ARHGEF26: variants seen among roughly 807,000 people sequenced by gnomAD.
ARHGEF26 encodes the protein Rho guanine nucleotide exchange factor (GEF) 26.
In ARHGEF26, 59 loss-of-function variants were observed where a neutral mutation model predicts 89.4. The ratio of observed to expected loss-of-function variants is 0.66; its 90% CI spans 0.54 to 0.82. ARHGEF26 has a LOEUF of 0.82. Among genes scored for constraint, ARHGEF26 ranks in the 40% least tolerant of loss-of-function variants. The pLI is 0.00. For synonymous variants in ARHGEF26, 500 were observed against 428.4 expected (o/e 1.17, Z -2.06); for missense variants, 1,234 against 1,085.6 (o/e 1.14, Z -1.92).
chr3:154,143,406 C>T (rs1276684152), intron 4 of ARHGEF26, among the ~76,000 whole-genome samples: 2 of 151,798 alleles, frequency 1.3e-5, no homozygotes, highest in Non-Finnish European at 2.9e-5. Context: ...TTATGAATGA[C>T]CTTCTATGTC....
At chr3:154,254,008 T>C (rs553642086) in intron 13 of ARHGEF26, among the ~76,000 whole-genome samples, 19 of 152,326 alleles carry the variant, frequency 1.2e-4, no homozygotes, top group Non-Finnish European at 1.8e-4. Context: ...CTCCGTCTCC[T>C]GGGTTCATAC....
intron 6 of ARHGEF26, among the ~76,000 whole-genome samples, chr3:154,184,299 T>C (rs918371070): frequency 6.6e-6 from 1 of 152,248 alleles, no homozygotes; most frequent in African/African-American, 2.4e-5. Flanking sequence ...CAATTTTCTT[T>C]ACATTTGCAT....
chr3:154,229,252 G>C (rs1164793466), intron 11 of ARHGEF26, among the ~76,000 whole-genome samples: 2 of 152,056 alleles, frequency 1.3e-5, no homozygotes, highest in Non-Finnish European at 2.9e-5. Flanking sequence ...CCAGGCTGCA[G>C]TTCAGTGGCT....
chr3:154,190,368 G>A (rs1385333639), intron 7 of ARHGEF26, among the ~76,000 whole-genome samples: 1 of 152,170 alleles, frequency 6.6e-6, no homozygotes, highest in Non-Finnish European at 1.5e-5. Context: ...AATTAGCTGG[G>A]CGTCATGGCA....
Position 154,122,959 on chromosome 3 carries a change from A to G in ARHGEF26, c.967A>G (p.Ser323Gly), listed in dbSNP as rs1420881955. 1 of 1,613,784 alleles carries G rather than the reference A, an allele frequency of 6.2e-7. No homozygotes were observed. The highest frequency in any genetic ancestry group is 2.2e-5 in the East Asian group (1 of 44,872). ...RSTSYRRAVV[S>G]GFDFDSPTSS... The stretch of plus-strand genomic sequence containing the variant: ...CACGTCTTATCGCAGGGCAGTGGTC[A>G]GTGGCTTTGATTTTGACAGTCCTAC... Residue 323 changes from serine to glycine, a missense_variant, in exon 2 of 15, where the codon AGT (serine) becomes GGT (glycine). By Grantham distance (56) the Ser-to-Gly change is moderately conservative. Transcript: ENST00000465093.
intron 6 of ARHGEF26, among the ~76,000 whole-genome samples, chr3:154,186,106 A>G (rs1403142174): frequency 1.3e-5 from 2 of 149,050 alleles, no homozygotes; most frequent in African/African-American, 5.0e-5. Context: ...TGGTTCAAGT[A>G]TTATGCTACC....
intron 4 of ARHGEF26, among the ~76,000 whole-genome samples, chr3:154,148,472 C>T (rs1719821253): frequency 6.6e-6 from 1 of 152,206 alleles, no homozygotes; most frequent in South Asian, 2.1e-4. Flanking sequence ...TTTGCCCTCT[C>T]TTTTGATAGG....
intron 6 of ARHGEF26, among the ~76,000 whole-genome samples, chr3:154,180,686 C>T (rs1381210178): frequency 2.0e-4 from 2 of 9,846 alleles, no homozygotes; most frequent in Non-Finnish European, 3.3e-4. Context: ...CTTTTTTCCC[C>T]TCACATCCCA....
chr3:154,212,975 A>G (rs940130895), intron 9 of ARHGEF26, among the ~76,000 whole-genome samples: 3 of 152,088 alleles, frequency 2.0e-5, no homozygotes. Flanking sequence ...CTAAAGATAA[A>G]TTTTCAGAAG....
At chr3:154,176,902 C>G (rs1712855351) in intron 6 of ARHGEF26, among the ~76,000 whole-genome samples, 1 of 152,162 alleles carries the variant, frequency 6.6e-6, no homozygotes, top group Non-Finnish European at 1.5e-5. Context: ...CCTCAGTCTC[C>G]TGAATAGCTA....
At chr3:154,180,935 T>C (rs1281826544) in intron 6 of ARHGEF26, among the ~76,000 whole-genome samples, 2 of 152,154 alleles carry the variant, frequency 1.3e-5, no homozygotes, top group Non-Finnish European at 1.5e-5. Context: ...ATCGATGAGC[T>C]TCATCTTCCT....
chr3:154,157,227 C>T (rs1273602704), intron 6 of ARHGEF26, among the ~76,000 whole-genome samples: 1 of 152,224 alleles, frequency 6.6e-6, no homozygotes, highest in East Asian at 1.9e-4. Flanking sequence ...CTCCTAAGTT[C>T]CAAAGCATTT....
intron 3 of ARHGEF26, among the ~76,000 whole-genome samples, chr3:154,126,699 C>T (rs1368733157): frequency 1.3e-5 from 2 of 152,168 alleles, no homozygotes; most frequent in Non-Finnish European, 2.9e-5. Context: ...CTGTCTGGCT[C>T]ATGTCTCTAA....
At position 154,123,017 on chromosome 3, in the gene ARHGEF26, C is replaced by T; in HGVS notation, c.1025C>T (p.Pro342Leu). 6.2e-7 allele frequency: 1 copy of T among 1,613,930 alleles called. No homozygotes were observed. Among genetic ancestry groups the T allele is most frequent in the Non-Finnish European group, 8.5e-7 (1 of 1,179,882 alleles). ...AAGAAGAAGAACAGAATGTCCCAGC[C>T]TGTTCTGAAAGTGGTGATGGAAGAC... ...SSKKKNRMSQ[P>L]VLKVVMEDKE... The change falls in exon 2 of 15, where the codon CCT becomes CTT. Residue 342 changes from proline to leucine, a missense_variant. Physicochemically the swap from Pro to Leu is moderately conservative, Grantham distance 98 (BLOSUM62 -3). Transcript: ENST00000465093.
At position 154,217,924 on chromosome 3, in the gene ARHGEF26, A is replaced by G. The variant is rs1457231190; in HGVS notation, c.1901A>G (p.Tyr634Cys). 7.5e-6 allele frequency: 12 copies of G among 1,599,936 alleles called. No homozygotes were observed. The highest frequency in any genetic ancestry group is 2.7e-5 in the African/African-American group (2 of 74,726). ...AAGATGGAAAGGACTGAGATGATGT[A>G]CACAATTAACTCCCAGCTGGAATTT... ...ARKMERTEMM[Y>C]TINSQLEFKI... Residue 634 changes from tyrosine to cysteine, a missense_variant, in exon 10 of 15, where the codon TAC (tyrosine) becomes TGC (cysteine). Coordinates refer to ENST00000465093, the MANE Select transcript of ARHGEF26 (RefSeq NM_015595.4).
At chr3:154,223,213 C>G (rs2108256722) in intron 10 of ARHGEF26, among the ~76,000 whole-genome samples, 1 of 152,182 alleles carries the variant, frequency 6.6e-6, no homozygotes, top group Middle Eastern at 3.4e-3. Context: ...TGACAGAAGG[C>G]TTTGCTGGTT....
At chr3:154,188,319 T>TA (rs1713722928) in intron 7 of ARHGEF26, among the ~76,000 whole-genome samples, 1 of 152,200 alleles carries the variant, frequency 6.6e-6, no homozygotes, top group South Asian at 2.1e-4. Flanking sequence ...CTTGGGTAGT[T>TA]AGAGTTGAAG....
At chr3:154,211,565 T>C (rs1015497776) in intron 9 of ARHGEF26, among the ~76,000 whole-genome samples, 3 of 152,078 alleles carry the variant, frequency 2.0e-5, no homozygotes, top group African/African-American at 7.2e-5. Flanking sequence ...TTCTATCTCT[T>C]TAGTGCCTCT....
intron 9 of ARHGEF26, among the ~76,000 whole-genome samples, chr3:154,196,777 A>G (rs1714317240): frequency 1.3e-5 from 2 of 152,138 alleles, no homozygotes; most frequent in South Asian, 4.1e-4. Context: ...TAGAGGAGGA[A>G]CTGGGGAGGG....
Sources: gnomAD v4.1 joint callset for allele counts (sites outside exome capture counted in the v4.1 genomes callset) on GRCh38, gnomAD v4.1.1 for gene constraint, MANE v1.5 for transcripts, NCBI Gene and HGNC (gene_info 2026-07-23, HGNC 2026-07-21) for gene names.